The following CCT6B variants were observed in gnomAD, a reference collection of about 807,000 sequenced individuals.
The protein encoded by CCT6B is chaperonin containing TCP1 subunit 6B, also known as probable T-complex protein 1 subunit zeta-2.
In CCT6B, 49 loss-of-function variants were observed where a neutral mutation model predicts 61.5. The ratio of observed to expected loss-of-function variants is 0.80; its 90% CI spans 0.63 to 1.01. The LOEUF (loss-of-function observed/expected upper bound fraction) is 1.01, where lower values mean the gene tolerates loss of function less well. Among genes scored for constraint, CCT6B ranks in the 50% least tolerant of loss-of-function variants. The probability of loss-of-function intolerance (pLI) is 0.00; values close to 1 mark genes in which losing one functional copy is unlikely to be tolerated. For missense variants in CCT6B, 666 were observed against 634.7 expected (o/e 1.05, Z -0.53); for synonymous variants, 228 against 214.5 (o/e 1.06, Z -0.55).
At chr17:34,943,852 T>C (rs2090194594) in intron 5 of CCT6B, 1 of 150,862 alleles carries the variant, frequency 6.6e-6, no homozygotes, top group African/African-American at 2.4e-5. Flanking sequence ...AGAGTAGGGG[T>C]TATGCCTGGG....
intron 2 of CCT6B, 128 bp downstream of exon 2, chr17:34,959,459 C>T: frequency 1.5e-6 from 1 of 663,864 alleles, no homozygotes; most frequent in Non-Finnish European, 2.6e-6. Context: ...AGGTCTAATT[C>T]AACAGTCTTC....
At chr17:34,952,115 C>A in intron 4 of CCT6B, 62 bp from the exon 5 acceptor site, 2 of 1,018,452 alleles carry the variant, frequency 2.0e-6, no homozygotes, top group Non-Finnish European at 3.0e-6. Context: ...ACCAAGGGCC[C>A]AAACAATCTA....
At chr17:34,947,763 C>T (rs566677114) in intron 5 of CCT6B, among the ~76,000 whole-genome samples, 3 of 152,126 alleles carry the variant, frequency 2.0e-5, no homozygotes, top group African/African-American at 7.2e-5. Flanking sequence ...AGGTGGATTG[C>T]TTGATGTCAG....
At position 34,951,925 on chromosome 17, in the gene CCT6B, T is replaced by G. The variant is rs769611574; in HGVS notation, c.614+25A>C. 1.9e-5 allele frequency: 22 copies of G among 1,165,376 alleles called. No homozygotes were observed. The South Asian group carries it at 2.9e-4, about 16-fold the overall frequency. The allele number at this position is 1,165,376 out of a possible 1,614,324, so 72.2% of individuals were successfully genotyped here. ...TCTTTAAAAAATTCTAGAACCCATATGTTGTCAAAGCTTATGTAATTTACT... is the reference window on the plus strand; with the variant it reads ...TCTTTAAAAAATTCTAGAACCCATAGGTTGTCAAAGCTTATGTAATTTACT... On this transcript the variant is annotated intron_variant, in intron 5 of 13. Coordinates refer to ENST00000314144, the MANE Select transcript of CCT6B (RefSeq NM_006584.4).
chr17:34,955,937 CTA>C (rs1475561723), intron 3 of CCT6B, among the ~76,000 whole-genome samples: 1 of 152,130 alleles, frequency 6.6e-6, no homozygotes, highest in Non-Finnish European at 1.5e-5. Context: ...ACTTTAGAGC[CTA>C]TGTTATTAAC....
chr17:34,957,741 T>C (rs554762043), intron 3 of CCT6B, among the ~76,000 whole-genome samples: 22 of 152,280 alleles, frequency 1.4e-4, no homozygotes, highest in Admixed American at 4.6e-4. Flanking sequence ...TTTGCTGAAA[T>C]GGTCCCTGAA....
chr17:34,961,037 G>A (rs1169210750), intron 1 of CCT6B, among the ~76,000 whole-genome samples: 1 of 152,224 alleles, frequency 6.6e-6, no homozygotes, highest in African/African-American at 2.4e-5. Context: ...CAAGTCGGGG[G>A]TCGGGGAAGC....
At position 34,932,351 on chromosome 17, in the gene CCT6B, G is replaced by A. The variant is rs752604830; in HGVS notation, c.1347+16C>T. On this transcript the variant is annotated intron_variant, in intron 11 of 13. Transcript: ENST00000314144. ...ATGTCTAAGCAGTTGTTATTTGGCC[G>A]AAAGGGTAGTTGTACCTTGGGAATA... 2.1e-5 allele frequency: 33 copies of A among 1,587,958 alleles called. No homozygotes were observed. Among genetic ancestry groups the A allele is most frequent in the Middle Eastern group, 1.7e-4 (1 of 5,954 alleles).
chr17:34,936,878 T>A (rs2090100334), intron 10 of CCT6B, among the ~76,000 whole-genome samples: 1 of 151,928 alleles, frequency 6.6e-6, no homozygotes, highest in Non-Finnish European at 1.5e-5. Context: ...TCAAGCAGGG[T>A]GTAATGGCTC....
intron 1 of CCT6B, 102 bp downstream of exon 1, chr17:34,961,155 T>C: frequency 7.2e-7 from 1 of 1,392,566 alleles, no homozygotes; most frequent in Non-Finnish European, 9.6e-7. Flanking sequence ...GAAATCAAGC[T>C]CGCAAGAACA....
In CCT6B at chr17:34,955,296, T is replaced by C. The variant is rs546833070; in HGVS notation, c.337-697A>G. Among the ~76,000 whole-genome samples, 10 of 152,328 alleles carry C rather than the reference T, an allele frequency of 6.6e-5. No homozygotes were observed. In the South Asian group the frequency reaches 2.1e-3, roughly 32 times the overall value. Reference sequence around the variant, plus strand: ...GCACTATTAATATAAGTGGTGAAGTTTGAATAGAATGCAGATTAGATAACA... The same window carrying C: ...GCACTATTAATATAAGTGGTGAAGTCTGAATAGAATGCAGATTAGATAACA... On this transcript the variant is annotated intron_variant, in intron 3 of 13. Coordinates refer to ENST00000314144, the MANE Select transcript of CCT6B (RefSeq NM_006584.4).
In CCT6B at chr17:34,942,809, C is replaced by T; in HGVS notation, c.712G>A (p.Glu238Lys). The change falls in exon 6 of 14, where the codon GAA becomes AAA. Residue 238 changes from glutamate (E) to lysine (K), a missense_variant. Glu to Lys is a moderately conservative substitution (Grantham distance 56, BLOSUM62 1). Transcript: ENST00000314144. ...AGTAACACGCACGTTTTTTCATATT[C>T]CAGTGAAACGTTGCAAATAAGGATA... ...AFILICNVSL[E>K]YEKTEVNSGF... 1 of 1,598,656 alleles carries T rather than the reference C, an allele frequency of 6.3e-7. No individual in the cohort carries two copies. Among genetic ancestry groups the T allele is most frequent in the Non-Finnish European group, 8.5e-7 (1 of 1,171,626 alleles).
chr17:34,956,902 T>C (rs1164905260), intron 3 of CCT6B, among the ~76,000 whole-genome samples: 1 of 152,064 alleles, frequency 6.6e-6, no homozygotes, highest in Non-Finnish European at 1.5e-5. Flanking sequence ...CTCCACCTCC[T>C]GGGTTCAGGC....
chr17:34,959,801 A>C (rs2142188517), intron 1 of CCT6B, 151 bp from the exon 2 acceptor site: 12 of 586,478 alleles, frequency 2.0e-5, no homozygotes, highest in East Asian at 8.7e-5. Flanking sequence ...TTTGCAGCTC[A>C]CAGAATCATT....
At chr17:34,935,250 G>A (rs952029559) in intron 10 of CCT6B, among the ~76,000 whole-genome samples, 14 of 152,204 alleles carry the variant, frequency 9.2e-5, no homozygotes, top group African/African-American at 3.4e-4. Flanking sequence ...TGGGGAGGTG[G>A]GTAGGGAATG....
In CCT6B at chr17:34,953,239, A is replaced by G. The variant is rs564891978; in HGVS notation, c.511-1186T>C. The stretch of plus-strand genomic sequence containing the variant: ...TCAAGTTTCAGAAATTACAAAGCTG[A>G]AAAACAATAATGATATCAAATCATT... On this transcript the variant is annotated intron_variant, in intron 4 of 13. Transcript: ENST00000314144. 8.6e-5 allele frequency among the ~76,000 whole-genome samples: 13 copies of G among 151,656 alleles called. No homozygotes were observed. In the South Asian group the frequency reaches 2.7e-3, roughly 32 times the overall value.
At chr17:34,953,068 C>T (rs961465337) in intron 4 of CCT6B, among the ~76,000 whole-genome samples, 2 of 151,724 alleles carry the variant, frequency 1.3e-5, no homozygotes, top group Non-Finnish European at 2.9e-5. Flanking sequence ...TAAGGAGAAT[C>T]GATCAGAAAC....
At chr17:34,929,252 G>C (rs2090006822) in intron 12 of CCT6B, among the ~76,000 whole-genome samples, 3 of 151,980 alleles carry the variant, frequency 2.0e-5, no homozygotes, top group Admixed American at 6.6e-5. Context: ...TTATCTTCCA[G>C]GATACCACAC....
intron 1 of CCT6B, 126 bp from the exon 2 acceptor site, chr17:34,959,776 T>C (rs894829312): frequency 4.8e-6 from 3 of 620,382 alleles, no homozygotes; most frequent in Non-Finnish European, 8.7e-6. Context: ...GAATATGCCA[T>C]GGTAATTACC....
Sources: gnomAD v4.1 joint callset for allele counts (sites outside exome capture counted in the v4.1 genomes callset) on GRCh38, gnomAD v4.1.1 for gene constraint, MANE v1.5 for transcripts, NCBI Gene and HGNC (gene_info 2026-07-23, HGNC 2026-07-21) for gene names.